Variants in GLIS3 observed in about 807,000 individuals in gnomAD.
The protein encoded by GLIS3 is GLIS family zinc finger 3.
Under a neutral mutation model 78.6 loss-of-function variants are expected in GLIS3, and 53 were observed. That is an observed-to-expected ratio of 0.67 (90% CI 0.54 to 0.85). The LOEUF is 0.85. Ranked by LOEUF, GLIS3 falls within the 40% of genes least tolerant of loss-of-function variation. GLIS3 has a pLI of 0.00. For missense variants in GLIS3, 1,703 were observed against 1,231.1 expected, an observed-to-expected ratio of 1.38 and a Z score of -5.74; for synonymous variants, 684 against 509.9, an observed-to-expected ratio of 1.34 and a Z score of -4.60.
chr9:3,911,552 T>A (rs1301739738), intron 6 of GLIS3, among the ~76,000 whole-genome samples: 1 of 152,210 alleles, frequency 6.6e-6, no homozygotes, highest in Non-Finnish European at 1.5e-5. Flanking sequence ...CCCTATGAAT[T>A]ACACTACAAC....
chr9:3,911,364 C>A (rs148644609), intron 6 of GLIS3, among the ~76,000 whole-genome samples: 1 of 152,188 alleles, frequency 6.6e-6, no homozygotes, highest in Admixed American at 6.5e-5. Flanking sequence ...CTTTCTAAAG[C>A]TGCATTGCTG....
rs773557377 is a variant in GLIS3, at chr9:4,286,084, T to C, written c.342A>G (p.Pro114=). The change falls in exon 2 of 11, where the codon CCA becomes CCG. Residue 114 remains proline (P), a synonymous_variant. Coordinates refer to ENST00000381971, the MANE Select transcript of GLIS3 (RefSeq NM_001042413.2). ...AAGGGCTTCCAAACTCCTGCTGCTT[T>C]GGCTTTAAAGTATGTGACCCTGACA... ...GGMSGSHTLK[P]KQQEFGSPFP... is the part of the protein sequence containing the mutation. The C allele has an allele frequency of 2.5e-6, 4 of 1,613,712 alleles. No individual in the cohort carries two copies. Among genetic ancestry groups the C allele is most frequent in the Non-Finnish European group, 2.5e-6 (3 of 1,179,802 alleles).
chr9:4,421,730 G>C, the GLIS3 span, among the ~76,000 whole-genome samples: 8 of 152,208 alleles, frequency 5.3e-5, no homozygotes, highest in Non-Finnish European at 7.3e-5. Flanking sequence ...ACACAGAAAA[G>C]TCCCTTCCTT....
intron 6 of GLIS3, among the ~76,000 whole-genome samples, chr9:3,910,986 T>C (rs1203814844): frequency 2.6e-5 from 4 of 152,248 alleles, no homozygotes; most frequent in Admixed American, 1.3e-4. Flanking sequence ...ACCAGCTGTC[T>C]GACCAGGACA....
chr9:4,291,246 T>C lies in GLIS3; in HGVS notation c.-98-4723A>G, dbSNP rs539816694. On this transcript the variant is annotated intron_variant, in intron 1 of 10. Coordinates refer to ENST00000381971, the MANE Select transcript of GLIS3 (RefSeq NM_001042413.2). ...CACCAATAAGACGAAATAAAAGAGG[T>C]TTTATTTCTGAGTTATACCAACTGA... Among the ~76,000 whole-genome samples, 3 of 152,134 alleles carry C rather than the reference T, an allele frequency of 2.0e-5. No individual in the cohort carries two copies. In the East Asian group the frequency reaches 5.8e-4, roughly 29 times the overall value.
At chr9:3,841,535 C>G (rs771220322) in intron 9 of GLIS3, among the ~76,000 whole-genome samples, 4 of 152,142 alleles carry the variant, frequency 2.6e-5, no homozygotes, top group Admixed American at 1.3e-4. Flanking sequence ...GATTCAGTGC[C>G]CAGCTACCCA....
At chr9:4,422,009 C>G in the GLIS3 span, among the ~76,000 whole-genome samples, 1 of 152,184 alleles carries the variant, frequency 6.6e-6, no homozygotes, top group African/African-American at 2.4e-5. Flanking sequence ...TAAAAAAGGT[C>G]CTGTGCCTCT....
At chr9:4,012,765 C>CTTTTTTTTTTTTT (rs71324278) in intron 4 of GLIS3, among the ~76,000 whole-genome samples, 8 of 66,496 alleles carry the variant, frequency 1.2e-4, no homozygotes, top group African/African-American at 3.3e-4. Flanking sequence ...TTTTCTTTTT[C>CTTTTTTTTTTTTT]TTTTTTTTTT....
intron 2 of GLIS3, among the ~76,000 whole-genome samples, chr9:4,140,819 A>C (rs1202480419): frequency 7.1e-6 from 1 of 139,912 alleles, no homozygotes; most frequent in Non-Finnish European, 1.6e-5. Context: ...TTTTTTTGAG[A>C]CGGAGTTTTG....
At chr9:4,073,587 T>C (rs1052967764) in intron 4 of GLIS3, among the ~76,000 whole-genome samples, 3 of 152,078 alleles carry the variant, frequency 2.0e-5, no homozygotes, top group Non-Finnish European at 4.4e-5. Flanking sequence ...AAACTCAGGA[T>C]TGCCCCTGCT....
intron 1 of GLIS3, among the ~76,000 whole-genome samples, chr9:4,294,239 T>C (rs936957984): frequency 6.6e-6 from 1 of 152,208 alleles, no homozygotes; most frequent in Admixed American, 6.5e-5. Context: ...CCAGGTGCGG[T>C]GGCTCACGCC....
chr9:4,290,128 C>T (rs1036884635), intron 1 of GLIS3, among the ~76,000 whole-genome samples: 3 of 152,144 alleles, frequency 2.0e-5, no homozygotes, highest in Non-Finnish European at 4.4e-5. Context: ...AAGGCCCTTT[C>T]TTAGTAAATA....
chr9:4,386,856 G>T, the GLIS3 span, among the ~76,000 whole-genome samples: 1 of 152,160 alleles, frequency 6.6e-6, no homozygotes, highest in Non-Finnish European at 1.5e-5. Context: ...ACTGAGAGAT[G>T]TGATCCCCAT....
chr9:4,130,214 A>C (rs1445592579), intron 2 of GLIS3, among the ~76,000 whole-genome samples: 1 of 152,242 alleles, frequency 6.6e-6, no homozygotes, highest in Non-Finnish European at 1.5e-5. Context: ...AAAGGGAAGC[A>C]GAGTGTAAAA....
chr9:4,092,816 T>G (rs1326915743), intron 4 of GLIS3, among the ~76,000 whole-genome samples: 1 of 152,226 alleles, frequency 6.6e-6, no homozygotes, highest in Non-Finnish European at 1.5e-5. Flanking sequence ...AAACGTATAG[T>G]ATAGTAAATA....
At position 3,862,958 on chromosome 9, in the gene GLIS3, G is replaced by A. The variant is rs994904130; in HGVS notation, c.2298-6774C>T. On this transcript the variant is annotated intron_variant, in intron 8 of 10. Transcript: ENST00000381971. ...AGAATTGTGGGGTATCATCTGTGGC[G>A]GTTTTAAAATTCATCTGTGCAAACT... 2.6e-5 allele frequency among the ~76,000 whole-genome samples: 4 copies of A among 151,926 alleles called. No homozygotes were observed. In the South Asian group the frequency reaches 6.2e-4, roughly 24 times the overall value.
intron 2 of GLIS3, among the ~76,000 whole-genome samples, chr9:4,138,296 A>C (rs1833558378): frequency 6.6e-6 from 1 of 152,238 alleles, no homozygotes; most frequent in South Asian, 2.1e-4. Context: ...AGACACATTT[A>C]CTGGGTGTTA....
the GLIS3 span, among the ~76,000 whole-genome samples, chr9:4,454,967 A>G: frequency 1.3e-5 from 2 of 152,050 alleles, no homozygotes; most frequent in African/African-American, 2.4e-5. Context: ...TTCTTATACC[A>G]TTTATCTCCT....
chr9:4,057,504 T>C (rs1826243474), intron 4 of GLIS3, among the ~76,000 whole-genome samples: 2 of 152,140 alleles, frequency 1.3e-5, no homozygotes, highest in African/African-American at 4.8e-5. Context: ...GCAGTACTTT[T>C]TTCATTTCCT....
Sources: allele counts gnomAD v4.1 joint callset (sites outside exome capture counted in the v4.1 genomes callset), GRCh38; gene constraint gnomAD v4.1.1; transcripts MANE v1.5; gene names NCBI Gene and HGNC (gene_info 2026-07-23, HGNC 2026-07-21).